The following EYS variants were observed in gnomAD, a reference collection of about 807,000 sequenced individuals.
The protein encoded by EYS is protein eyes shut homolog.
Under a neutral mutation model 282.1 loss-of-function variants are expected in EYS, and 250 were observed. The ratio of observed to expected loss-of-function variants is 0.89; its 90% CI spans 0.80 to 0.98. The LOEUF is 0.98. Ranked by LOEUF, EYS falls within the 50% of genes least tolerant of loss-of-function variation. EYS has a pLI of 0.00. For missense variants in EYS, 4,016 were observed against 3,709.0 expected (o/e 1.08, Z -2.15); for synonymous variants, 1,355 against 1,282.9 (o/e 1.06, Z -1.20).
intron 22 of EYS, among the ~76,000 whole-genome samples, chr6:64,808,446 A>C (rs1420279145): frequency 2.0e-5 from 3 of 152,122 alleles, no homozygotes; most frequent in Non-Finnish European, 4.4e-5. Context: ...AACTGAGACA[A>C]CATGAGATTT....
At chr6:63,890,714 A>G (rs1773385994) in intron 35 of EYS, among the ~76,000 whole-genome samples, 1 of 152,218 alleles carries the variant, frequency 6.6e-6, no homozygotes, top group Non-Finnish European at 1.5e-5. Flanking sequence ...ATATATTCAA[A>G]AGCTAGCAGA....
intron 22 of EYS, among the ~76,000 whole-genome samples, chr6:64,763,246 G>A (rs905534136): frequency 3.9e-5 from 6 of 152,028 alleles, no homozygotes; most frequent in Non-Finnish European, 8.8e-5. Flanking sequence ...ACTGAGAGTG[G>A]GTATTTTATG....
intron 2 of EYS, among the ~76,000 whole-genome samples, chr6:65,552,646 G>A (rs1444380361): frequency 6.6e-6 from 1 of 151,940 alleles, no homozygotes; most frequent in Non-Finnish European, 1.5e-5. Flanking sequence ...ATTCTCTCTG[G>A]CAATTTAATT....
At chr6:65,379,217 A>G (rs983594636) in intron 8 of EYS, among the ~76,000 whole-genome samples, 1 of 152,096 alleles carries the variant, frequency 6.6e-6, no homozygotes, top group South Asian at 2.1e-4. Context: ...AAAATCCTCA[A>G]TAAAATACTG....
chr6:64,048,872 C>T (rs1436134311), intron 33 of EYS, among the ~76,000 whole-genome samples: 1 of 151,414 alleles, frequency 6.6e-6, no homozygotes, highest in African/African-American at 2.4e-5. Context: ...TCTGACTATT[C>T]TCTACCAGGT....
intron 24 of EYS, among the ~76,000 whole-genome samples, chr6:64,616,317 A>C (rs1261944237): frequency 1.3e-5 from 2 of 152,176 alleles, no homozygotes; most frequent in Non-Finnish European, 2.9e-5. Flanking sequence ...AGAGCATCTG[A>C]TATTTTTCTC....
At chr6:63,864,086 AT>A in intron 36 of EYS, 99 bp downstream of exon 36, 1 of 1,110,052 alleles carries the variant, frequency 9.0e-7, no homozygotes, top group Non-Finnish European at 1.2e-6. Context: ...GATTTGATGT[AT>A]TTGATCAGTC....
At chr6:65,065,116 G>A (rs1040759864) in intron 12 of EYS, among the ~76,000 whole-genome samples, 12 of 152,096 alleles carry the variant, frequency 7.9e-5, no homozygotes, top group Non-Finnish European at 1.3e-4. Flanking sequence ...GCCTTCAGGT[G>A]TCTAATAACA....
chr6:64,076,378 G>A (rs1271309332), intron 32 of EYS, among the ~76,000 whole-genome samples: 1 of 152,030 alleles, frequency 6.6e-6, no homozygotes, highest in East Asian at 1.9e-4. Flanking sequence ...TGAGGAGAGT[G>A]GGGAGAATAG....
intron 35 of EYS, among the ~76,000 whole-genome samples, chr6:63,910,371 G>A (rs893471146): frequency 2.6e-5 from 4 of 152,158 alleles, no homozygotes; most frequent in African/African-American, 9.7e-5. Context: ...TAATGACTAT[G>A]TAATCAGACA....
At chr6:64,435,266 G>A (rs545689743) in intron 28 of EYS, among the ~76,000 whole-genome samples, 12 of 152,050 alleles carry the variant, frequency 7.9e-5, no homozygotes, top group African/African-American at 2.9e-4. Flanking sequence ...TAGATATGAT[G>A]TAGGCTTTCC....
intron 19 of EYS, among the ~76,000 whole-genome samples, chr6:64,841,795 T>A (rs2150035318): frequency 6.6e-6 from 1 of 152,232 alleles, no homozygotes; most frequent in East Asian, 1.9e-4. Context: ...AAACTGTGAA[T>A]CAGGGATTTT....
intron 41 of EYS, among the ~76,000 whole-genome samples, chr6:63,739,585 C>T (rs1769020309): frequency 1.3e-5 from 2 of 152,118 alleles, no homozygotes; most frequent in East Asian, 3.9e-4. Flanking sequence ...TGAGTACCTC[C>T]ATTTAGAAAG....
At chr6:64,620,328 A>C (rs761030987) in intron 23 of EYS, among the ~76,000 whole-genome samples, 92 of 152,322 alleles carry the variant, frequency 6.0e-4, no homozygotes, top group Middle Eastern at 3.4e-3. Flanking sequence ...TACGCACTGA[A>C]ATAGTGACTC....
intron 22 of EYS, among the ~76,000 whole-genome samples, chr6:64,701,152 C>G (rs935968907): frequency 6.6e-6 from 1 of 151,898 alleles, no homozygotes; most frequent in African/African-American, 2.4e-5. Context: ...TGGTGCTGGC[C>G]GAACTGGATT....
chr6:64,552,074 GC>G (rs1725714939), intron 26 of EYS, among the ~76,000 whole-genome samples: 1 of 152,132 alleles, frequency 6.6e-6, no homozygotes, highest in South Asian at 2.1e-4. Flanking sequence ...ATGGCCATCA[GC>G]CAAGTGCATT....
intron 37 of EYS, 132 bp from the exon 38 acceptor site, chr6:63,789,356 G>A: frequency 1.2e-6 from 1 of 851,752 alleles, no homozygotes; most frequent in Non-Finnish European, 1.8e-6. Flanking sequence ...TCTCTAGTCA[G>A]CATTTAGGTA....
intron 14 of EYS, among the ~76,000 whole-genome samples, chr6:64,971,705 G>A (rs2150111448): frequency 6.6e-6 from 1 of 152,240 alleles, no homozygotes; most frequent in Middle Eastern, 3.4e-3. Context: ...AGCACAATGT[G>A]TCTAATTCAG....
intron 2 of EYS, among the ~76,000 whole-genome samples, chr6:65,543,159 T>A (rs980618536): frequency 6.6e-6 from 1 of 151,896 alleles, no homozygotes; most frequent in African/African-American, 2.4e-5. Context: ...GCTGGGATTA[T>A]AGGCACTTGC....
Sources: gnomAD v4.1 joint callset for allele counts (sites outside exome capture counted in the v4.1 genomes callset) on GRCh38, gnomAD v4.1.1 for gene constraint, MANE v1.5 for transcripts, NCBI Gene and HGNC (gene_info 2026-07-23, HGNC 2026-07-21) for gene names.